The following ATP6V0A1 variants were observed in gnomAD, a reference collection of about 807,000 sequenced individuals.
ATP6V0A1 encodes ATPase H+ transporting V0 subunit a1.
Under a neutral mutation model 105.4 loss-of-function variants are expected in ATP6V0A1, and 43 were observed. The ratio of observed to expected loss-of-function variants is 0.41; its 90% CI spans 0.32 to 0.53. ATP6V0A1 has a LOEUF of 0.53. ATP6V0A1 is among the 20% of genes least tolerant of loss of function. The probability of loss-of-function intolerance (pLI) is 0.30; values close to 1 mark genes in which losing one functional copy is unlikely to be tolerated. For synonymous variants in ATP6V0A1, 362 were observed against 372.8 expected (o/e 0.97, Z 0.33); for missense variants, 676 against 1,051.1 (o/e 0.64, Z 4.93).
chr17:42,488,732 G>A (rs1287904514), intron 10 of ATP6V0A1, among the ~76,000 whole-genome samples: 1 of 151,942 alleles, frequency 6.6e-6, no homozygotes, highest in African/African-American at 2.4e-5. Context: ...CAAAGTGTTG[G>A]GGCCAGGCGT....
At chr17:42,478,769 G>A (rs1228454930) in intron 7 of ATP6V0A1, 180 bp downstream of exon 7, 9 of 442,140 alleles carry the variant, frequency 2.0e-5, no homozygotes, top group Non-Finnish European at 2.9e-5. Context: ...TATACATATG[G>A]ATGTATGATG....
intron 2 of ATP6V0A1, among the ~76,000 whole-genome samples, chr17:42,462,803 G>C (rs938381067): frequency 6.6e-6 from 1 of 151,184 alleles, no homozygotes; most frequent in Non-Finnish European, 1.5e-5. Flanking sequence ...ATAGAGATGG[G>C]GGTCTCGCCA....
At chr17:42,514,514 G>A in intron 21 of ATP6V0A1, 54 bp downstream of exon 21, 1 of 1,480,910 alleles carries the variant, frequency 6.8e-7, no homozygotes. Context: ...CTTAGCTGCG[G>A]TGAGAGGGCA....
intron 21 of ATP6V0A1, chr17:42,518,607 C>G (rs986757903): frequency 6.6e-6 from 1 of 152,288 alleles, no homozygotes; most frequent in Non-Finnish European, 1.5e-5. Context: ...CTCGAGGAAA[C>G]AGAGTTCCTG....
chr17:42,518,468 GCA>G (rs1175101948), intron 21 of ATP6V0A1: 2 of 152,238 alleles, frequency 1.3e-5, no homozygotes, highest in East Asian at 3.8e-4. Context: ...GCCCTGAACG[GCA>G]CAGAGAGTGG....
intron 14 of ATP6V0A1, among the ~76,000 whole-genome samples, chr17:42,497,039 C>T (rs1416457875): frequency 6.6e-6 from 1 of 151,390 alleles, no homozygotes; most frequent in Non-Finnish European, 1.5e-5. Context: ...CGGTGGCTCA[C>T]GCCTGTAATC....
chr17:42,500,857 C>T lies in ATP6V0A1; in HGVS notation c.1830C>T (p.Ile610=). The T allele has an allele frequency of 6.2e-7, 1 of 1,614,100 alleles. No individual in the cohort carries two copies. Among genetic ancestry groups the T allele is most frequent in the Non-Finnish European group, 8.5e-7 (1 of 1,179,974 alleles). ...HTSENAPSLL[I]HFINMFLFSY... ...CTGAGAATGCACCAAGCCTTCTGAT[C>T]CATTTCATAAACATGTTCCTCTTTT... The change falls in exon 16 of 22, where the codon ATC becomes ATT. Residue 610 remains isoleucine (I), a synonymous_variant. Transcript: ENST00000343619.
At chr17:42,471,608 C>A (rs766136103) in intron 5 of ATP6V0A1, among the ~76,000 whole-genome samples, 7 of 151,926 alleles carry the variant, frequency 4.6e-5, no homozygotes, top group South Asian at 4.2e-4. Flanking sequence ...GTGGTGCACA[C>A]CTGTAGTTCC....
At chr17:42,494,523 A>G (rs1271809408) in intron 12 of ATP6V0A1, 50 bp downstream of exon 12, 2 of 1,543,028 alleles carry the variant, frequency 1.3e-6, no homozygotes, top group South Asian at 1.2e-5. Flanking sequence ...TAATTTCCCA[A>G]GCATTCATTA....
chr17:42,461,534 G>C (rs549631833), intron 2 of ATP6V0A1, among the ~76,000 whole-genome samples: 2 of 152,138 alleles, frequency 1.3e-5, no homozygotes, highest in East Asian at 3.9e-4. Flanking sequence ...TAACACTTTG[G>C]GAGGCTGAGG....
intron 17 of ATP6V0A1, among the ~76,000 whole-genome samples, chr17:42,503,664 T>C (rs1434950524): frequency 1.3e-5 from 2 of 152,258 alleles, no homozygotes; most frequent in African/African-American, 4.8e-5. Flanking sequence ...ACGCATTACT[T>C]CTATGTGCTC....
intron 12 of ATP6V0A1, chr17:42,494,780 A>G (rs758271704): frequency 1.4e-5 from 7 of 483,314 alleles, no homozygotes; most frequent in Non-Finnish European, 2.5e-5. Flanking sequence ...TGCAAAAGTT[A>G]TTGCGGTTTT....
chr17:42,474,077 A>G (rs2088375345), intron 5 of ATP6V0A1, among the ~76,000 whole-genome samples: 1 of 150,760 alleles, frequency 6.6e-6, no homozygotes, highest in African/African-American at 2.4e-5. Flanking sequence ...ATCTTGGCTC[A>G]CTGCAACTGC....
chr17:42,475,069 G>A (rs2088550236), intron 5 of ATP6V0A1, among the ~76,000 whole-genome samples: 1 of 152,208 alleles, frequency 6.6e-6, no homozygotes, highest in Non-Finnish European at 1.5e-5. Context: ...AAAAGTAATG[G>A]TTAATGGCAT....
Position 42,482,581 on chromosome 17 carries a change from C to T in ATP6V0A1, c.717-457C>T, listed in dbSNP as rs914259632. 1.3e-5 allele frequency among the ~76,000 whole-genome samples: 2 copies of T among 151,840 alleles called. 1 individual carries two copies. On this transcript the variant is annotated intron_variant, in intron 8 of 21. Coordinates refer to ENST00000343619, the MANE Select transcript of ATP6V0A1 (RefSeq NM_001130021.3). ...GATAGTTCGGATGCTATAATTGCTC[C>T]GTCTGCAGGTCATTTTACGTAAGTG...
At chr17:42,461,467 G>A (rs2086390692) in intron 2 of ATP6V0A1, among the ~76,000 whole-genome samples, 1 of 152,132 alleles carries the variant, frequency 6.6e-6, no homozygotes, top group African/African-American at 2.4e-5. Flanking sequence ...ACTTGGAGAA[G>A]CTATCTAAAG....
chr17:42,488,630 G>A (rs929768287), intron 10 of ATP6V0A1, among the ~76,000 whole-genome samples: 2 of 152,026 alleles, frequency 1.3e-5, no homozygotes, highest in African/African-American at 2.4e-5. Context: ...ACCATCATGC[G>A]TGGCTAATTT....
At chr17:42,513,555 G>T (rs938029770) in intron 19 of ATP6V0A1, 1 of 282,868 alleles carries the variant, frequency 3.5e-6, no homozygotes, top group African/African-American at 2.2e-5. Flanking sequence ...CCCAGAGGGA[G>T]AAGAACAAAT....
chr17:42,478,347 A>G, intron 6 of ATP6V0A1, 116 bp from the exon 7 acceptor site: 2 of 722,588 alleles, frequency 2.8e-6, no homozygotes, highest in Non-Finnish European at 3.5e-6. Context: ...GTACCCTAGA[A>G]CTTAAAGTAT....
Sources: allele counts gnomAD v4.1 joint callset (sites outside exome capture counted in the v4.1 genomes callset), GRCh38; gene constraint gnomAD v4.1.1; transcripts MANE v1.5; gene names NCBI Gene and HGNC (gene_info 2026-07-23, HGNC 2026-07-21).